Variants in C12orf60 observed in about 807,000 individuals in gnomAD.
C12orf60 encodes uncharacterized protein C12orf60.
For missense variants in C12orf60, 284 were observed against 283.2 expected (o/e 1.00, Z -0.02); for synonymous variants, 102 against 94.6 (o/e 1.08, Z -0.45).
At chr12:14,815,182 A>G (rs1950196957) in intron 1 of C12orf60, among the ~76,000 whole-genome samples, 1 of 152,164 alleles carries the variant, frequency 6.6e-6, no homozygotes. Flanking sequence ...GAAACTTTAA[A>G]ATCTAAAGAT....
chr12:14,811,145 G>T (rs191566570), intron 1 of C12orf60, among the ~76,000 whole-genome samples: 228 of 152,292 alleles, frequency 1.5e-3, no homozygotes, highest in African/African-American at 5.2e-3. Flanking sequence ...TCACATGATG[G>T]TGCTTCCTGT....
At chr12:14,806,842 T>C (rs1950060000) in intron 1 of C12orf60, 1 of 780,356 alleles carries the variant, frequency 1.3e-6, no homozygotes, top group African/African-American at 1.8e-5. Context: ...CTCAACAAGT[T>C]TTTTTAAAAG....
At chr12:14,812,202 T>C (rs2137266902) in intron 1 of C12orf60, among the ~76,000 whole-genome samples, 1 of 152,348 alleles carries the variant, frequency 6.6e-6, no homozygotes, top group African/African-American at 2.4e-5. Flanking sequence ...CCGAGCACTT[T>C]GGGAGGCCGA....
At chr12:14,805,921 GAAAATGAA>G (rs1299171640) in intron 1 of C12orf60, 3 of 1,368,092 alleles carry the variant, frequency 2.2e-6, no homozygotes, top group Middle Eastern at 1.9e-4. Context: ...GAAGCCTATA[GAAAATGAA>G]CCTAATCAAA....
In C12orf60 at chr12:14,823,161, G is replaced by C; in HGVS notation, c.226G>C (p.Ala76Pro). The change falls in exon 2 of 2, where the codon GCA (alanine) becomes CCA (proline). Residue 76 changes from alanine (A) to proline (P), a missense_variant. Physicochemically the swap from Ala to Pro is conservative, Grantham distance 27 (BLOSUM62 -1). Transcript: ENST00000330828. ...IFKEMQSVVD[A>P]RHDKIQKESL... ...TAAGGAGATGCAATCTGTAGTGGAT[G>C]CAAGACATGACAAAATTCAAAAGGA... is the stretch of plus-strand genomic sequence containing the variant. The C allele has an allele frequency of 1.2e-6, 2 of 1,614,172 alleles. No individual in the cohort carries two copies. The highest frequency in any genetic ancestry group is 1.7e-6 in the Non-Finnish European group (2 of 1,180,022).
chr12:14,817,130 A>G (rs1402958693), intron 1 of C12orf60, among the ~76,000 whole-genome samples: 3 of 152,128 alleles, frequency 2.0e-5, no homozygotes, highest in African/African-American at 7.2e-5. Context: ...ATATCAAAGG[A>G]CTAATCAGCT....
intron 1 of C12orf60, among the ~76,000 whole-genome samples, chr12:14,818,327 A>T (rs893356158): frequency 6.6e-6 from 1 of 152,190 alleles, no homozygotes; most frequent in Admixed American, 6.5e-5. Context: ...GTTTAATTAG[A>T]TTCCATTTGT....
At position 14,823,543 on chromosome 12, in the gene C12orf60, C is replaced by T; in HGVS notation, c.608C>T (p.Pro203Leu). Residue 203 changes from proline to leucine, a missense_variant, in exon 2 of 2, where the codon CCC becomes CTC. Pro to Leu is a moderately conservative substitution (Grantham distance 98). Transcript: ENST00000330828. ...DVLKTEDSKN[P>L]TKSAADLLEQ... The stretch of plus-strand genomic sequence containing the variant: ...CTAAAAACTGAGGATTCCAAAAATC[C>T]CACAAAGTCAGCAGCAGATTTGTTG... The T allele has an allele frequency of 6.8e-6, 11 of 1,613,808 alleles. No homozygotes were observed. The highest frequency in any genetic ancestry group is 9.3e-6 in the Non-Finnish European group (11 of 1,179,912).
chr12:14,817,515 G>A (rs957808102), intron 1 of C12orf60, among the ~76,000 whole-genome samples: 1 of 152,034 alleles, frequency 6.6e-6, no homozygotes, highest in Non-Finnish European at 1.5e-5. Flanking sequence ...GGTGTGTGTT[G>A]TTCCCTTCTC....
intron 1 of C12orf60, among the ~76,000 whole-genome samples, chr12:14,807,255 TATTC>T (rs1950066389): frequency 1.3e-5 from 2 of 152,192 alleles, no homozygotes; most frequent in African/African-American, 4.8e-5. Context: ...TGGTGAGAAA[TATTC>T]ATCGTTTGTC....
chr12:14,808,050 C>G (rs1950080365), intron 1 of C12orf60, among the ~76,000 whole-genome samples: 1 of 152,090 alleles, frequency 6.6e-6, no homozygotes, highest in African/African-American at 2.4e-5. Flanking sequence ...CCTGTAATCC[C>G]AGCTACTCTG....
intron 1 of C12orf60, chr12:14,805,981 C>T: frequency 1.3e-6 from 2 of 1,575,826 alleles, no homozygotes; most frequent in Non-Finnish European, 1.7e-6. Flanking sequence ...AAAAACACTT[C>T]AGTGGCAAAT....
intron 1 of C12orf60, among the ~76,000 whole-genome samples, chr12:14,822,700 T>C (rs1950325039): frequency 1.3e-5 from 2 of 152,352 alleles, no homozygotes; most frequent in Non-Finnish European, 2.9e-5. Flanking sequence ...ATATGTGGTA[T>C]AAATTTGGCG....
At chr12:14,822,875 T>C in intron 1 of C12orf60, 37 bp from the exon 2 acceptor site, 1 of 1,500,106 alleles carries the variant, frequency 6.7e-7, no homozygotes, top group East Asian at 2.3e-5. Flanking sequence ...CCAAATCGAC[T>C]TTTATTTTTC....
chr12:14,811,076 A>T (rs1307776343), intron 1 of C12orf60, among the ~76,000 whole-genome samples: 3 of 152,242 alleles, frequency 2.0e-5, no homozygotes, highest in Non-Finnish European at 4.4e-5. Context: ...TATTTAATCC[A>T]GCTCTAATTA....
Position 14,823,607 on chromosome 12 carries a change from C to T in C12orf60, c.672C>T (p.Ile224=), listed in dbSNP as rs571280432. 6.2e-7 allele frequency: 1 copy of T among 1,606,854 alleles called. No homozygotes were observed. The highest frequency in any genetic ancestry group is 1.1e-5 in the South Asian group (1 of 89,066). ...IVKAMGPILE[I]LQKAIKTMEM... ...AGGCTATGGGACCAATCTTAGAGATCCTCCAAAAAGCGATAAAGACTATGG... is the reference window on the plus strand; with the variant it reads ...AGGCTATGGGACCAATCTTAGAGATTCTCCAAAAAGCGATAAAGACTATGG... The change falls in exon 2 of 2, where the codon ATC becomes ATT. Residue 224 remains isoleucine, a synonymous_variant. Coordinates refer to ENST00000330828, the MANE Select transcript of C12orf60 (RefSeq NM_175874.4).
chr12:14,805,916 C>A, intron 1 of C12orf60: 1 of 1,301,342 alleles, frequency 7.7e-7, no homozygotes, highest in Middle Eastern at 1.9e-4. Flanking sequence ...TATTGGAAGC[C>A]TATAGAAAAT....
chr12:14,806,146 T>C, intron 1 of C12orf60: 1 of 1,614,178 alleles, frequency 6.2e-7, no homozygotes, highest in Non-Finnish European at 8.5e-7. Context: ...GCTCCCAGGA[T>C]GGCACGGACA....
At chr12:14,822,008 GT>G (rs2137287315) in intron 1 of C12orf60, among the ~76,000 whole-genome samples, 2 of 139,354 alleles carry the variant, frequency 1.4e-5, no homozygotes, top group African/African-American at 2.7e-5. Context: ...GTGTGTGGGG[GT>G]GGGGTGGGGA....
Sources: gnomAD v4.1 joint callset for allele counts (sites outside exome capture counted in the v4.1 genomes callset) on GRCh38, gnomAD v4.1.1 for gene constraint, MANE v1.5 for transcripts, NCBI Gene and HGNC (gene_info 2026-07-23, HGNC 2026-07-21) for gene names.